Variants in HEMK2 observed in about 807,000 individuals in gnomAD.
HEMK2 encodes the protein methyltransferase HEMK2.
chr21:28,815,897 G>GT, the HEMK2 span, among the ~76,000 whole-genome samples: 1 of 151,356 alleles, frequency 6.6e-6, no homozygotes. Flanking sequence ...TATTGAAGCT[G>GT]TAACCCCTAG....
chr21:28,671,479 G>A, the HEMK2 span, among the ~76,000 whole-genome samples: 1 of 152,144 alleles, frequency 6.6e-6, no homozygotes, highest in Non-Finnish European at 1.5e-5. Context: ...AGCCTTAGAG[G>A]TGAGCAAAGA....
chr21:28,712,517 T>A, the HEMK2 span, among the ~76,000 whole-genome samples: 2 of 152,112 alleles, frequency 1.3e-5, no homozygotes, highest in Non-Finnish European at 2.9e-5. Context: ...GAGGCAACAA[T>A]GTTTCAAGGA....
chr21:28,664,462 C>T, the HEMK2 span, among the ~76,000 whole-genome samples: 2 of 152,134 alleles, frequency 1.3e-5, no homozygotes, highest in African/African-American at 2.4e-5. Flanking sequence ...TCTCTTTCTT[C>T]TTTCTCTACC....
At chr21:28,654,459 G>A in the HEMK2 span, among the ~76,000 whole-genome samples, 1 of 151,888 alleles carries the variant, frequency 6.6e-6, no homozygotes, top group Non-Finnish European at 1.5e-5. Flanking sequence ...TTTTTTTGGT[G>A]GTAGAAAGGC....
chr21:28,697,778 CAAAAAAAAAA>C, the HEMK2 span, among the ~76,000 whole-genome samples: 56 of 79,532 alleles, frequency 7.0e-4, no homozygotes, highest in African/African-American at 3.2e-3. Context: ...ATCATGAGCC[CAAAAAAAAAA>C]AAAAAAAAAA....
chr21:28,670,599 A>C, the HEMK2 span, among the ~76,000 whole-genome samples: 2 of 152,206 alleles, frequency 1.3e-5, no homozygotes, highest in Non-Finnish European at 2.9e-5. Context: ...TGAATCTGAG[A>C]AGTATTGTCA....
the HEMK2 span, among the ~76,000 whole-genome samples, chr21:28,694,459 G>C: frequency 6.6e-6 from 1 of 152,082 alleles, no homozygotes; most frequent in Non-Finnish European, 1.5e-5. Context: ...ATTCTTTAAA[G>C]CCTCCCTCCA....
the HEMK2 span, among the ~76,000 whole-genome samples, chr21:28,701,501 T>C: frequency 6.6e-6 from 1 of 150,958 alleles, no homozygotes; most frequent in African/African-American, 2.4e-5. Context: ...ACCAGCAACA[T>C]ATAAGCTGAG....
chr21:28,758,034 T>G, the HEMK2 span, among the ~76,000 whole-genome samples: 4 of 152,182 alleles, frequency 2.6e-5, no homozygotes, highest in African/African-American at 7.2e-5. Context: ...CAGTAATTCT[T>G]TTTACTTTAG....
chr21:28,643,299 G>C, the HEMK2 span, among the ~76,000 whole-genome samples: 2 of 152,158 alleles, frequency 1.3e-5, no homozygotes, highest in African/African-American at 4.8e-5. Flanking sequence ...TAAGTCATGG[G>C]GGTAGAGCCC....
At chr21:28,711,498 C>G in the HEMK2 span, among the ~76,000 whole-genome samples, 1 of 152,150 alleles carries the variant, frequency 6.6e-6, no homozygotes, top group African/African-American at 2.4e-5. Context: ...GCTGCTAGAA[C>G]AGTTGGGGAG....
chr21:28,601,604 A>ATC, the HEMK2 span, among the ~76,000 whole-genome samples: 37,446 of 126,134 alleles, frequency 0.3, 5,872 homozygotes, highest in Non-Finnish European at 0.37. Context: ...ACCTTCTGAC[A>ATC]TCTCTCTCTC....
At chr21:28,882,780 A>T in the HEMK2 span, among the ~76,000 whole-genome samples, 1 of 152,362 alleles carries the variant, frequency 6.6e-6, no homozygotes, top group Admixed American at 6.5e-5. Context: ...TTTAGAGATG[A>T]TCTAAAATTA....
the HEMK2 span, among the ~76,000 whole-genome samples, chr21:28,599,016 T>C: frequency 6.6e-6 from 1 of 152,096 alleles, no homozygotes; most frequent in South Asian, 2.1e-4. Flanking sequence ...ACTTCAGAAA[T>C]GATGGGTAAA....
At chr21:28,664,663 A>G in the HEMK2 span, among the ~76,000 whole-genome samples, 2 of 152,194 alleles carry the variant, frequency 1.3e-5, no homozygotes, top group Non-Finnish European at 2.9e-5. Flanking sequence ...GAATTCTAGC[A>G]GACTATACCT....
chr21:28,678,145 G>GA, the HEMK2 span, among the ~76,000 whole-genome samples: 5 of 152,132 alleles, frequency 3.3e-5, no homozygotes, highest in East Asian at 1.9e-4. Context: ...TAAAAACCTG[G>GA]AAAAAAATTA....
At chr21:28,807,475 A>G in the HEMK2 span, among the ~76,000 whole-genome samples, 680 of 152,304 alleles carry the variant, frequency 4.5e-3, 7 homozygotes, top group African/African-American at 0.016. Context: ...ACAGAGGGAG[A>G]AGCTGAACTG....
chr21:28,650,373 C>T, the HEMK2 span, among the ~76,000 whole-genome samples: 26 of 150,930 alleles, frequency 1.7e-4, no homozygotes, highest in Admixed American at 2.6e-4. Context: ...CCAGCCTGGG[C>T]GACAGGGTAA....
the HEMK2 span, among the ~76,000 whole-genome samples, chr21:28,728,951 T>A: frequency 4.6e-5 from 7 of 152,204 alleles, no homozygotes; most frequent in African/African-American, 1.7e-4. Flanking sequence ...TGAGGGGCTA[T>A]TCATACAGTG....
Sources: allele counts gnomAD v4.1 joint callset (sites outside exome capture counted in the v4.1 genomes callset), GRCh38; gene constraint gnomAD v4.1.1; transcripts MANE v1.5; gene names NCBI Gene and HGNC (gene_info 2026-07-23, HGNC 2026-07-21).